Variants in STS observed in about 807,000 individuals in gnomAD.
The protein encoded by STS is steryl-sulfatase.
In STS, 7 loss-of-function variants were observed where a neutral mutation model predicts 26.8. The ratio of observed to expected loss-of-function variants is 0.26; its 90% confidence interval spans 0.15 to 0.49. STS has a LOEUF of 0.49. Among genes scored for constraint, STS ranks in the 20% least tolerant of loss-of-function variants. The pLI is 0.98. For synonymous variants in STS, 199 were observed against 189.4 expected (o/e 1.05, Z -0.42); for missense variants, 434 against 465.6 (o/e 0.93, Z 0.63).
chrX:7,343,672 C>G (rs185559684), intron 10 of STS, among the ~76,000 whole-genome samples: 5 of 111,653 alleles, frequency 4.5e-5, no homozygotes, highest in Non-Finnish European at 9.4e-5. Flanking sequence ...TGCCCTTAAT[C>G]AAGTCAGTGG....
chrX:7,175,671 C>T lies in STS; in HGVS notation c.-133-15209C>T, dbSNP rs1933556942. On this transcript the variant is annotated intron_variant, in intron 1 of 10. Transcript: ENST00000674429. ...TAATGGCAGTGACCTTGTCTGTTTC[C>T]TCCAGCATGAGCTACAAATATTTTC... Among the ~76,000 whole-genome samples, 3 of 111,816 alleles carry T rather than the reference C, an allele frequency of 2.7e-5. No homozygotes were observed. The South Asian group carries it at 1.1e-3, about 42-fold the overall frequency.
intron 1 of STS, among the ~76,000 whole-genome samples, chrX:7,188,574 T>G (rs1448436449): frequency 1.8e-5 from 2 of 111,791 alleles, no homozygotes; most frequent in African/African-American, 6.5e-5. Context: ...GCTGTTTCAT[T>G]CTGTAAGTAT....
chrX:7,282,099 A>T (rs1434167162), intron 7 of STS, among the ~76,000 whole-genome samples: 3 of 112,804 alleles, frequency 2.7e-5, no homozygotes, highest in Non-Finnish European at 5.6e-5. Flanking sequence ...CCCCTATGGG[A>T]TACCAAAGCT....
At chrX:7,225,088 G>A (rs1601665756) in intron 2 of STS, among the ~76,000 whole-genome samples, 1 of 112,156 alleles carries the variant, frequency 8.9e-6, no homozygotes, top group East Asian at 2.8e-4. Flanking sequence ...TGTTCCAGGA[G>A]GTGAGATGAC....
In STS at chrX:7,330,412, A is replaced by T. The variant is rs184626857; in HGVS notation, c.1242-3574A>T. Among the ~76,000 whole-genome samples the T allele has an allele frequency of 3.6e-5, 4 of 111,874 alleles. No individual in the cohort carries two copies. In the East Asian group the frequency reaches 1.1e-3, roughly 32 times the overall value. On this transcript the variant is annotated intron_variant, in intron 9 of 10. Transcript: ENST00000674429. ...GAAAACATCAACATTTTAACCATAG[A>T]CCCTTCAGCTGGGATGCAAGGAAAC...
rs1928757928 is a variant in STS at position 7,350,689 on chromosome X, C to A, written c.*428C>A. The stretch of plus-strand genomic sequence containing the variant: ...ATTTACTCTATAATCTGCAGTGATG[C>A]AATAACCAGCATAATAAAAAGGCAA... On this transcript the variant is annotated 3_prime_UTR_variant, in exon 11 of 11. Coordinates refer to ENST00000674429, the MANE Select transcript of STS (RefSeq NM_001320752.2). 7.9e-6 allele frequency: 1 copy of A among 127,057 alleles called. No individual in the cohort carries two copies. The highest frequency in any genetic ancestry group is 1.6e-5 in the Non-Finnish European group (1 of 63,636). 10.5% of individuals were successfully genotyped at this position (127,057 alleles called of 1,213,427 possible).
At chrX:7,180,478 C>T (rs1459200045) in intron 1 of STS, among the ~76,000 whole-genome samples, 2 of 111,657 alleles carry the variant, frequency 1.8e-5, no homozygotes, top group African/African-American at 3.3e-5. Context: ...TTCACTCATT[C>T]GCCTGTTGCC....
At chrX:7,249,040 A>G (rs1196635158) in intron 2 of STS, among the ~76,000 whole-genome samples, 1 of 110,795 alleles carries the variant, frequency 9.0e-6, no homozygotes, top group African/African-American at 3.3e-5. Context: ...TGTCTTCGGG[A>G]CCTAAGGTAG....
At chrX:7,313,467 T>C (rs1352727247) in intron 8 of STS, among the ~76,000 whole-genome samples, 1 of 112,353 alleles carries the variant, frequency 8.9e-6, no homozygotes, top group Non-Finnish European at 1.9e-5. Flanking sequence ...CAACTGACTC[T>C]GGTAGATTAT....
At chrX:7,278,927 G>A (rs1733209805) in intron 7 of STS, among the ~76,000 whole-genome samples, 1 of 111,378 alleles carries the variant, frequency 9.0e-6, no homozygotes, top group African/African-American at 3.3e-5. Context: ...TATTGAATGT[G>A]CATACACAAG....
At chrX:7,278,006 G>A (rs912443122) in intron 7 of STS, among the ~76,000 whole-genome samples, 7 of 112,271 alleles carry the variant, frequency 6.2e-5, no homozygotes, top group Non-Finnish European at 3.8e-5. Context: ...TATTTAATTA[G>A]CATGGCATAC....
intron 9 of STS, among the ~76,000 whole-genome samples, chrX:7,329,030 T>A (rs1186487501): frequency 1.8e-5 from 2 of 111,760 alleles, no homozygotes; most frequent in Non-Finnish European, 3.8e-5. Flanking sequence ...ATGTTGCTTC[T>A]GTGTTGAGGT....
chrX:7,189,196 A>C (rs1353442402), intron 1 of STS, among the ~76,000 whole-genome samples: 1 of 111,560 alleles, frequency 9.0e-6, no homozygotes. Flanking sequence ...TCATATTTCA[A>C]AGCATAAACA....
chrX:7,233,902 C>T (rs1922190759), intron 2 of STS, among the ~76,000 whole-genome samples: 1 of 111,867 alleles, frequency 8.9e-6, no homozygotes, highest in South Asian at 3.8e-4. Context: ...TTTGAGCTAT[C>T]TTTGTCTTGT....
chrX:7,346,004 T>C (rs1322556416), intron 10 of STS, among the ~76,000 whole-genome samples: 3 of 111,589 alleles, frequency 2.7e-5, no homozygotes, highest in Non-Finnish European at 5.6e-5. Context: ...ACAACGTCTC[T>C]TCTGTTCCAG....
chrX:7,340,257 G>A (rs942556428), intron 10 of STS, among the ~76,000 whole-genome samples: 4 of 110,613 alleles, frequency 3.6e-5, no homozygotes. Flanking sequence ...TTCAACACGG[G>A]GTGTCTCTCA....
rs183213666 is a variant in STS at position 7,161,453 on chromosome X, C to T, written c.-134+13370C>T. On this transcript the variant is annotated intron_variant, in intron 1 of 10. Transcript: ENST00000674429. The stretch of plus-strand genomic sequence containing the variant: ...ATTTATATTAATTGCAGAAAATGAA[C>T]ATCCAAAAACAATTTAACTTTTGCA... Among the ~76,000 whole-genome samples, 551 of 111,866 alleles carry T rather than the reference C, an allele frequency of 4.9e-3. 2 individuals are homozygous for T. Among genetic ancestry groups the T allele is most frequent in the Middle Eastern group, 0.019 (4 of 215 alleles).
chrX:7,230,455 G>A lies in STS; in HGVS notation c.-4-22741G>A, dbSNP rs113141090. 3.8e-3 allele frequency among the ~76,000 whole-genome samples: 428 copies of A among 111,837 alleles called. 2 individuals are homozygous for A. Among genetic ancestry groups the A allele is most frequent in the African/African-American group, 0.013 (414 of 30,810 alleles). On this transcript the variant is annotated intron_variant, in intron 2 of 10. Transcript: ENST00000674429. ...CCCAGACATGTGTCAGCTGAGGAAT[G>A]GATAAATAAAATGTGGCACAGCCAT...
intron 2 of STS, among the ~76,000 whole-genome samples, chrX:7,206,343 C>G (rs1046166876): frequency 8.9e-6 from 1 of 112,209 alleles, no homozygotes; most frequent in African/African-American, 3.2e-5. Flanking sequence ...ATGTCCTCAC[C>G]TTGATCTTCG....
Sources: allele counts gnomAD v4.1 joint callset (sites outside exome capture counted in the v4.1 genomes callset), GRCh38; gene constraint gnomAD v4.1.1; transcripts MANE v1.5; gene names NCBI Gene and HGNC (gene_info 2026-07-23, HGNC 2026-07-21).